The following MBD5 variants were observed in gnomAD, a reference collection of about 807,000 sequenced individuals.
MBD5 encodes methyl-CpG binding domain protein 5, also known as methyl-CpG-binding domain protein 5.
MBD5 carries 13 observed loss-of-function variants against 117.3 expected under a neutral mutation model. That is an observed-to-expected ratio of 0.11 (90% CI 0.07 to 0.18). MBD5 has a LOEUF of 0.18. Among genes scored for constraint, MBD5 ranks in the 10% least tolerant of loss-of-function variants. The probability of loss-of-function intolerance (pLI) is 1.00; values close to 1 mark genes in which losing one functional copy is unlikely to be tolerated. For missense variants in MBD5, 1,879 were observed against 2,093.8 expected, an observed-to-expected ratio of 0.90 and a Z score of 2.00; for synonymous variants, 727 against 766.4, an observed-to-expected ratio of 0.95 and a Z score of 0.85.
intron 3 of MBD5, among the ~76,000 whole-genome samples, chr2:148,290,107 C>G (rs1054009354): frequency 1.3e-5 from 2 of 150,186 alleles, no homozygotes; most frequent in African/African-American, 4.9e-5. Flanking sequence ...AGGTGCCCAC[C>G]ACCACGCCCA....
chr2:148,177,881 T>C (rs1280086755), intron 1 of MBD5, among the ~76,000 whole-genome samples: 1 of 152,214 alleles, frequency 6.6e-6, no homozygotes, highest in African/African-American at 2.4e-5. Context: ...TATGTTTGGC[T>C]TGAGAATCTA....
At chr2:148,127,296 A>G (rs1574042857) in intron 1 of MBD5, among the ~76,000 whole-genome samples, 1 of 152,026 alleles carries the variant, frequency 6.6e-6, no homozygotes, top group Non-Finnish European at 1.5e-5. Flanking sequence ...TACATAGGTA[A>G]ACGTGTGCCA....
chr2:148,314,378 T>G (rs1702108088), intron 3 of MBD5, among the ~76,000 whole-genome samples: 2 of 67,594 alleles, frequency 3.0e-5, no homozygotes, highest in Admixed American at 1.3e-4. Context: ...GTGTTATGGT[T>G]TTTTTTTTTT....
intron 7 of MBD5, 130 bp downstream of exon 7, chr2:148,464,049 C>A: frequency 1.1e-6 from 1 of 942,148 alleles, no homozygotes; most frequent in Non-Finnish European, 1.6e-6. Flanking sequence ...TCTGTATGTC[C>A]TGTAATTTTA....
chr2:148,385,987 C>G (rs1704346818), intron 4 of MBD5, among the ~76,000 whole-genome samples: 2 of 147,312 alleles, frequency 1.4e-5, no homozygotes, highest in Non-Finnish European at 3.0e-5. Flanking sequence ...GGAGGGATAG[C>G]ATTAGGAGAT....
chr2:148,090,563 C>T (rs963589379), intron 1 of MBD5, among the ~76,000 whole-genome samples: 28 of 152,116 alleles, frequency 1.8e-4, no homozygotes, highest in African/African-American at 5.1e-4. Flanking sequence ...AAATGTGATA[C>T]GTCACATAAG....
intron 3 of MBD5, among the ~76,000 whole-genome samples, chr2:148,241,329 T>G (rs1293224798): frequency 2.0e-5 from 3 of 152,218 alleles, no homozygotes; most frequent in African/African-American, 7.2e-5. Context: ...TATAGGGATA[T>G]AATATTTACT....
intron 4 of MBD5, among the ~76,000 whole-genome samples, chr2:148,403,659 GGTAAAATTGTA>G (rs1181007555): frequency 6.6e-6 from 1 of 152,068 alleles, no homozygotes; most frequent in African/African-American, 2.4e-5. Context: ...GGCAACATCT[GGTAAAATTGTA>G]GTAAAAAATC....
At chr2:148,500,094 C>T (rs1349014692) in intron 11 of MBD5, among the ~76,000 whole-genome samples, 3 of 151,858 alleles carry the variant, frequency 2.0e-5, no homozygotes, top group African/African-American at 7.3e-5. Flanking sequence ...GGCTTAGAGG[C>T]AGATTTAAAT....
chr2:148,157,621 C>A (rs10207309), intron 1 of MBD5, among the ~76,000 whole-genome samples: 63,298 of 151,944 alleles, frequency 0.42, 13,371 homozygotes, highest in Middle Eastern at 0.54. Context: ...TCACTGGGGG[C>A]AGTTCTGAAA....
At chr2:148,024,206 C>T (rs190888818) in intron 1 of MBD5, among the ~76,000 whole-genome samples, 1 of 152,292 alleles carries the variant, frequency 6.6e-6, no homozygotes, top group Non-Finnish European at 1.5e-5. Context: ...ATTTTGTCTA[C>T]TTAAATTTAG....
At chr2:148,441,527 C>A (rs944915566) in intron 4 of MBD5, among the ~76,000 whole-genome samples, 2 of 152,178 alleles carry the variant, frequency 1.3e-5, no homozygotes, top group African/African-American at 4.8e-5. Context: ...TGGGTTTGTT[C>A]CAAGTCTTTG....
At chr2:148,029,335 G>T (rs1273546337) in intron 1 of MBD5, among the ~76,000 whole-genome samples, 4 of 151,620 alleles carry the variant, frequency 2.6e-5, no homozygotes, top group African/African-American at 9.7e-5. Flanking sequence ...CACCTTAGTT[G>T]TTTTGAAATT....
At chr2:148,228,350 C>T (rs1574163175) in intron 2 of MBD5, among the ~76,000 whole-genome samples, 1 of 152,138 alleles carries the variant, frequency 6.6e-6, no homozygotes, top group East Asian at 1.9e-4. Flanking sequence ...AGGGCCTTTT[C>T]TGCATCTATT....
intron 1 of MBD5, among the ~76,000 whole-genome samples, chr2:148,096,987 A>G (rs1474024447): frequency 1.3e-5 from 2 of 152,162 alleles, no homozygotes. Context: ...GATAGAAACA[A>G]TCTTGCATCT....
intron 1 of MBD5, among the ~76,000 whole-genome samples, chr2:148,036,697 A>T (rs1390205009): frequency 6.6e-6 from 1 of 152,040 alleles, no homozygotes; most frequent in South Asian, 2.1e-4. Flanking sequence ...GAGCCATCCT[A>T]GAAACTTAAC....
intron 3 of MBD5, among the ~76,000 whole-genome samples, chr2:148,250,325 G>A (rs1700437336): frequency 6.6e-6 from 1 of 152,132 alleles, no homozygotes; most frequent in African/African-American, 2.4e-5. Context: ...GTGGAGGTTG[G>A]AAGGAGGGAG....
At chr2:148,151,829 TC>T (rs1435711369) in intron 1 of MBD5, among the ~76,000 whole-genome samples, 1 of 151,970 alleles carries the variant, frequency 6.6e-6, no homozygotes, top group East Asian at 1.9e-4. Context: ...GATTCTTCTC[TC>T]TTTCTTTCTT....
intron 1 of MBD5, among the ~76,000 whole-genome samples, chr2:148,035,400 C>T (rs1403014872): frequency 2.0e-5 from 3 of 152,012 alleles, no homozygotes; most frequent in Admixed American, 1.3e-4. Context: ...ATCTGTTAAT[C>T]TTAAAGCTAT....
Sources: gnomAD v4.1 joint callset for allele counts (sites outside exome capture counted in the v4.1 genomes callset) on GRCh38, gnomAD v4.1.1 for gene constraint, MANE v1.5 for transcripts, NCBI Gene and HGNC (gene_info 2026-07-23, HGNC 2026-07-21) for gene names.